The following TEAD1 variants were observed in gnomAD, a reference collection of about 807,000 sequenced individuals.
TEAD1 encodes the protein TEA domain transcription factor 1.
Under a neutral mutation model 54.9 loss-of-function variants are expected in TEAD1, and 9 were observed. The ratio of observed to expected loss-of-function variants is 0.16; its 90% CI spans 0.10 to 0.29. The LOEUF is 0.29. Ranked by LOEUF, TEAD1 falls within the 10% of genes least tolerant of loss-of-function variation. The pLI is 1.00. For synonymous variants in TEAD1, 200 were observed against 187.8 expected (o/e 1.07, Z -0.53); for missense variants, 387 against 535.9 (o/e 0.72, Z 2.74).
chr11:12,871,456 G>C (rs1947743582), intron 5 of TEAD1, among the ~76,000 whole-genome samples: 3 of 152,206 alleles, frequency 2.0e-5, no homozygotes, highest in African/African-American at 7.2e-5. Context: ...ATCCCAGCAT[G>C]TAGAAAGAAT....
Position 12,882,984 on chromosome 11 carries a change from GA to G in TEAD1, c.575-16del. 2 of 1,614,142 alleles carry G rather than the reference GA, an allele frequency of 1.2e-6. No homozygotes were observed. Among genetic ancestry groups the G allele is most frequent in the Non-Finnish European group, 1.7e-6 (2 of 1,180,026 alleles). The stretch of plus-strand genomic sequence containing the variant: ...GAGGTGAGTGACCAGCATCAAAGGT[GA>G]CGATTGCTCTTTCAGGGTTTGAGCC... On this transcript the variant is annotated splice_polypyrimidine_tract_variant and intron_variant, in intron 8 of 12. Transcript: ENST00000527636.
chr11:12,733,615 C>T (rs1004102294), intron 2 of TEAD1, among the ~76,000 whole-genome samples: 2 of 152,214 alleles, frequency 1.3e-5, no homozygotes, highest in African/African-American at 2.4e-5. Context: ...CTCCTGCCTC[C>T]TGCCTGTGTG....
chr11:12,821,964 T>TTTTTTTTTTTTTTTC, intron 3 of TEAD1, among the ~76,000 whole-genome samples: 1 of 83,692 alleles, frequency 1.2e-5, no homozygotes, highest in African/African-American at 4.5e-5. Context: ...TCTTTTCCTT[T>TTTTTTTTTTTTTTTC]TTTTTTTTTT....
At chr11:12,845,153 C>T (rs922133426) in intron 3 of TEAD1, among the ~76,000 whole-genome samples, 1 of 151,742 alleles carries the variant, frequency 6.6e-6, no homozygotes, top group African/African-American at 2.4e-5. Flanking sequence ...TTAGTAGACA[C>T]GGGGTTTCAC....
At chr11:12,676,631 A>G (rs1943098528) in intron 2 of TEAD1, among the ~76,000 whole-genome samples, 1 of 152,182 alleles carries the variant, frequency 6.6e-6, no homozygotes, top group Admixed American at 6.5e-5. Context: ...AGAACTAATT[A>G]CAAAGTGACT....
intron 10 of TEAD1, among the ~76,000 whole-genome samples, chr11:12,904,115 A>G (rs139771415): frequency 1.3e-5 from 2 of 152,314 alleles, no homozygotes; most frequent in South Asian, 2.1e-4. Context: ...TTCTGCTTAT[A>G]TTCACACTGA....
At chr11:12,933,108 C>G (rs181064437) in intron 12 of TEAD1, among the ~76,000 whole-genome samples, 6 of 152,304 alleles carry the variant, frequency 3.9e-5, no homozygotes, top group Admixed American at 2.0e-4. Context: ...CATGACAAAA[C>G]CACCTGATTA....
chr11:12,791,589 T>C (rs1945803412), intron 3 of TEAD1, among the ~76,000 whole-genome samples: 1 of 152,012 alleles, frequency 6.6e-6, no homozygotes, highest in Non-Finnish European at 1.5e-5. Flanking sequence ...GGGTTGCAGG[T>C]GGGTGCGTGT....
At chr11:12,910,052 A>G (rs537656788) in intron 10 of TEAD1, among the ~76,000 whole-genome samples, 1 of 152,292 alleles carries the variant, frequency 6.6e-6, no homozygotes, top group Admixed American at 6.5e-5. Context: ...TGCAGCATTG[A>G]GATTCAGGCA....
At chr11:12,699,782 A>G (rs1334985598) in intron 2 of TEAD1, among the ~76,000 whole-genome samples, 1 of 152,240 alleles carries the variant, frequency 6.6e-6, no homozygotes, top group Non-Finnish European at 1.5e-5. Context: ...CAGAGACTCT[A>G]GCATTGCAGT....
intron 2 of TEAD1, among the ~76,000 whole-genome samples, chr11:12,681,847 G>A (rs1347867751): frequency 6.6e-6 from 1 of 152,184 alleles, no homozygotes; most frequent in Non-Finnish European, 1.5e-5. Context: ...TTGTCATTCA[G>A]GGCACATAGA....
chr11:12,900,738 G>A (rs6486068), intron 9 of TEAD1, among the ~76,000 whole-genome samples: 1 of 151,960 alleles, frequency 6.6e-6, no homozygotes, highest in Non-Finnish European at 1.5e-5. Flanking sequence ...CCTTCTGTTA[G>A]TTGGGACTTC....
intron 10 of TEAD1, among the ~76,000 whole-genome samples, chr11:12,906,430 A>G (rs545125714): frequency 6.6e-6 from 1 of 151,892 alleles, no homozygotes; most frequent in East Asian, 1.9e-4. Flanking sequence ...AGTCCCAGCT[A>G]CTTGGGAGGC....
chr11:12,913,303 TG>T (rs1255507248), intron 10 of TEAD1, among the ~76,000 whole-genome samples: 2 of 152,176 alleles, frequency 1.3e-5, no homozygotes, highest in Non-Finnish European at 2.9e-5. Context: ...GATGCAGGTT[TG>T]TTATGAATAG....
At chr11:12,858,626 C>T (rs1205043303) in intron 3 of TEAD1, among the ~76,000 whole-genome samples, 2 of 152,122 alleles carry the variant, frequency 1.3e-5, no homozygotes, top group African/African-American at 4.8e-5. Context: ...TTATTCATGG[C>T]TTGAAACATA....
intron 10 of TEAD1, among the ~76,000 whole-genome samples, chr11:12,918,933 T>C (rs1346086822): frequency 2.6e-5 from 4 of 152,138 alleles, no homozygotes; most frequent in Non-Finnish European, 4.4e-5. Flanking sequence ...ACAAAACTAA[T>C]GTGTGATGTT....
At chr11:12,820,909 A>T (rs933042461) in intron 3 of TEAD1, among the ~76,000 whole-genome samples, 1 of 152,232 alleles carries the variant, frequency 6.6e-6, no homozygotes, top group Non-Finnish European at 1.5e-5. Context: ...CATATTGTAC[A>T]TCCCAGTCTG....
chr11:12,699,791 G>T (rs1943659308), intron 2 of TEAD1, among the ~76,000 whole-genome samples: 1 of 152,214 alleles, frequency 6.6e-6, no homozygotes, highest in Non-Finnish European at 1.5e-5. Flanking sequence ...TAGCATTGCA[G>T]TTGAAGATCG....
At chr11:12,889,399 C>A (rs540435199) in intron 9 of TEAD1, among the ~76,000 whole-genome samples, 1 of 600 alleles carries the variant, frequency 1.7e-3, no homozygotes, top group African/African-American at 2.0e-3. Context: ...TTCCTCCAGC[C>A]CCCCACCAGG....
Sources: allele counts gnomAD v4.1 joint callset (sites outside exome capture counted in the v4.1 genomes callset), GRCh38; gene constraint gnomAD v4.1.1; transcripts MANE v1.5; gene names NCBI Gene and HGNC (gene_info 2026-07-23, HGNC 2026-07-21).